Variants in CIT observed in about 807,000 individuals in gnomAD.
The protein encoded by CIT is citron Rho-interacting kinase.
CIT carries 79 observed loss-of-function variants against 272.7 expected under a neutral mutation model. The observed-to-expected ratio is 0.29, with a 90% confidence interval of 0.24 to 0.35. CIT has a LOEUF of 0.35. Ranked by LOEUF, CIT falls within the 10% of genes least tolerant of loss-of-function variation. The pLI is 1.00. For missense variants in CIT, 1,909 were observed against 2,618.3 expected, an observed-to-expected ratio of 0.73 and a Z score of 5.91; for synonymous variants, 948 against 995.6, an observed-to-expected ratio of 0.95 and a Z score of 0.90.
At position 119,727,781 on chromosome 12, in the gene CIT, T is replaced by C. The variant is rs143349305; in HGVS notation, c.3591+721A>G. ...CCATCTCTACAAAACAATACAAAAATTAGTCGAGCATGGAGGCATATACCT... is the reference window on the plus strand; with the variant it reads ...CCATCTCTACAAAACAATACAAAAACTAGTCGAGCATGGAGGCATATACCT... On this transcript the variant is annotated intron_variant, in intron 28 of 47. Coordinates refer to ENST00000392521, the MANE Select transcript of CIT (RefSeq NM_001206999.2). 1.8e-4 allele frequency among the ~76,000 whole-genome samples: 28 copies of C among 152,034 alleles called. 1 individual carries two copies. The East Asian group carries it at 4.8e-3, about 26-fold the overall frequency.
Position 119,769,840 on chromosome 12 carries a change from T to C in CIT, c.2208+945A>G, listed in dbSNP as rs368149850. 2.8e-4 allele frequency among the ~76,000 whole-genome samples: 43 copies of C among 152,354 alleles called. 2 individuals are homozygous for C. In the South Asian group the frequency reaches 6.8e-3, roughly 24 times the overall value. On this transcript the variant is annotated intron_variant, in intron 18 of 47. Transcript: ENST00000392521. ...AATGTAAAGTTGTAAACAGTTTGAT[T>C]TGGTATTAAGTATAGACCTATAAGT...
At position 119,799,379 on chromosome 12, in the gene CIT, C is replaced by T. The variant is rs1462067704; in HGVS notation, c.1295+3827G>A. Among the ~76,000 whole-genome samples, 8 of 152,190 alleles carry T rather than the reference C, an allele frequency of 5.3e-5. No homozygotes were observed. In the East Asian group the frequency reaches 5.8e-4, roughly 11 times the overall value. ...GAAAAGTATCGCTGTCCTTCCACTTCGCAGTTGAAGAAACTGACATGCAGA... is the reference window on the plus strand; with the variant it reads ...GAAAAGTATCGCTGTCCTTCCACTTTGCAGTTGAAGAAACTGACATGCAGA... On this transcript the variant is annotated intron_variant, in intron 10 of 47. Coordinates refer to ENST00000392521, the MANE Select transcript of CIT (RefSeq NM_001206999.2).
intron 24 of CIT, among the ~76,000 whole-genome samples, chr12:119,736,658 A>G (rs1958777646): frequency 1.3e-5 from 2 of 152,248 alleles, no homozygotes. Flanking sequence ...TTATCAAGGA[A>G]GACAAATAAG....
At position 119,734,253 on chromosome 12, in the gene CIT, G is replaced by A. The variant is rs1266321623; in HGVS notation, c.3261C>T (p.Ala1087=). ...ELLEKERQWE[A]WRSVLGDEKS... ...TCTCATCACCCAGGACGCTCCTCCA[G>A]GCCTCCCACTGCCGCTCTTTTTCTA... The change falls in exon 26 of 48, where the codon GCC becomes GCT. Residue 1087 remains alanine, a synonymous_variant. Coordinates refer to ENST00000392521, the MANE Select transcript of CIT (RefSeq NM_001206999.2). 1 of 1,613,896 alleles carries A rather than the reference G, an allele frequency of 6.2e-7. No individual in the cohort carries two copies. The highest frequency in any genetic ancestry group is 1.6e-4 in the Middle Eastern group (1 of 6,062).
At chr12:119,859,605 T>C (rs545597042) in intron 3 of CIT, among the ~76,000 whole-genome samples, 295 of 151,680 alleles carry the variant, frequency 1.9e-3, no homozygotes, top group African/African-American at 6.7e-3. Flanking sequence ...TCACCTGAGG[T>C]CAGGAGTTCA....
At position 119,718,213 on chromosome 12, in the gene CIT, C is replaced by G. The variant is rs1957634791; in HGVS notation, c.4168+32G>C. The G allele has an allele frequency of 1.3e-6, 2 of 1,583,752 alleles. No homozygotes were observed. The highest frequency in any genetic ancestry group is 1.1e-5 in the South Asian group (1 of 87,868). The stretch of plus-strand genomic sequence containing the variant: ...CCATATGCCCACATGTCTTAGTCGA[C>G]TAAAAGAAATTTCCATACAACTCCA... On this transcript the variant is annotated intron_variant, in intron 32 of 47. Coordinates refer to ENST00000392521, the MANE Select transcript of CIT (RefSeq NM_001206999.2). This position sits in a 1 kb window ranked among gnomAD's most constrained non-coding sequence, Gnocchi z 4.8.
chr12:119,791,363 AC>A (rs1965292679), intron 10 of CIT, among the ~76,000 whole-genome samples: 1 of 152,148 alleles, frequency 6.6e-6, no homozygotes, highest in Admixed American at 6.5e-5. Context: ...AGCTCTGGAT[AC>A]CCAAGAACAT....
chr12:119,785,768 T>C (rs188771520), intron 10 of CIT, among the ~76,000 whole-genome samples: 10 of 152,184 alleles, frequency 6.6e-5, no homozygotes, highest in East Asian at 3.9e-4. Context: ...TTAGTAGAGA[T>C]GGGGTTTCAC....
At chr12:119,819,238 G>A (rs1241887470) in intron 9 of CIT, among the ~76,000 whole-genome samples, 2 of 152,212 alleles carry the variant, frequency 1.3e-5, no homozygotes, top group Admixed American at 1.3e-4. Context: ...GGTGACCCAT[G>A]AGCATGGCAG....
intron 19 of CIT, 140 bp from the exon 20 acceptor site, chr12:119,761,195 G>A (rs764574256): frequency 1.3e-5 from 9 of 715,842 alleles, no homozygotes; most frequent in African/African-American, 7.2e-5. Flanking sequence ...GGGGCAAAGA[G>A]AAGGCAAAAA....
At chr12:119,824,148 A>G (rs1967974640) in intron 8 of CIT, among the ~76,000 whole-genome samples, 1 of 147,182 alleles carries the variant, frequency 6.8e-6, no homozygotes, top group African/African-American at 2.5e-5. Flanking sequence ...ATATACAGTA[A>G]AACACATATC....
intron 10 of CIT, among the ~76,000 whole-genome samples, chr12:119,796,162 T>C (rs747689106): frequency 7.2e-5 from 11 of 152,208 alleles, no homozygotes; most frequent in Non-Finnish European, 1.5e-4. Context: ...CAAGACTGAA[T>C]ACCAAGTTCA....
Position 119,772,837 on chromosome 12 carries a change from T to G in CIT, c.2015A>C (p.Glu672Ala), listed in dbSNP as rs1963320506. The G allele has an allele frequency of 6.2e-7, 1 of 1,614,026 alleles. No homozygotes were observed. The highest frequency in any genetic ancestry group is 1.3e-5 in the African/African-American group (1 of 75,024). Residue 672 changes from glutamate (E) to alanine (A), a missense_variant, in exon 17 of 48, where the codon GAG (glutamate) becomes GCG (alanine). Glu to Ala is a moderately radical substitution (Grantham distance 107, BLOSUM62 -1). This residue lies in a region of CIT where 530 missense variants were observed against 822.4 expected (regional missense o/e 0.64). Transcript: ENST00000392521. Reference sequence around the variant, plus strand: ...CTCTCGGTTCTGCAGCTTCTCCAGCTCCCTCTCGGCTCGCTCCTTTGCCTG... The same window carrying G: ...CTCTCGGTTCTGCAGCTTCTCCAGCGCCCTCTCGGCTCGCTCCTTTGCCTG... ...IRQAKERAERELEKLQNREDS... is the reference protein window; with the variant it reads ...IRQAKERAERALEKLQNREDS...
chr12:119,784,164 A>G lies in CIT; in HGVS notation c.1402-113T>C. On this transcript the variant is annotated intron_variant, in intron 11 of 47. Transcript: ENST00000392521. The surrounding 1 kb of genome is among the most constrained non-coding windows in gnomAD (Gnocchi z 4.7). ...TGGTCTGGGCTAAGGCTAATTCGCC[A>G]AAAGTTAAGTTGGGATGGAAATACC... 6.2e-7 allele frequency: 1 copy of G among 1,610,928 alleles called. No homozygotes were observed. The highest frequency in any genetic ancestry group is 8.5e-7 in the Non-Finnish European group (1 of 1,178,310).
chr12:119,745,388 A>AAAAAAAAAAC, intron 23 of CIT, among the ~76,000 whole-genome samples: 1 of 142,168 alleles, frequency 7.0e-6, no homozygotes, highest in Non-Finnish European at 1.6e-5. Context: ...AAAAAAAAAA[A>AAAAAAAAAAC]AAAAAAAAAA....
At chr12:119,698,405 C>T (rs1268405148) in intron 44 of CIT, among the ~76,000 whole-genome samples, 4 of 152,102 alleles carry the variant, frequency 2.6e-5, no homozygotes, top group Admixed American at 2.0e-4. Context: ...GCCTGGCCTA[C>T]ATGGTGAAAC....
chr12:119,792,955 C>T lies in CIT; in HGVS notation c.1296-7890G>A, dbSNP rs886777910. 4.6e-5 allele frequency among the ~76,000 whole-genome samples: 7 copies of T among 151,902 alleles called. No individual in the cohort carries two copies. In the East Asian group the frequency reaches 5.9e-4, roughly 13 times the overall value. ...CCAGCCTGGCGACAGAGTGAGACTC[C>T]GTCTCAAAAATAAAATAAAAATAAA... On this transcript the variant is annotated intron_variant, in intron 10 of 47. Coordinates refer to ENST00000392521, the MANE Select transcript of CIT (RefSeq NM_001206999.2).
At chr12:119,814,064 T>C (rs1321787369) in intron 9 of CIT, among the ~76,000 whole-genome samples, 1 of 152,222 alleles carries the variant, frequency 6.6e-6, no homozygotes, top group Non-Finnish European at 1.5e-5. Flanking sequence ...CCTAACTTTA[T>C]TTCCCTATCC....
intron 9 of CIT, among the ~76,000 whole-genome samples, chr12:119,813,916 T>C (rs1316800217): frequency 6.6e-6 from 1 of 152,150 alleles, no homozygotes; most frequent in African/African-American, 2.4e-5. Flanking sequence ...CAGAGCATTC[T>C]GGACTTTTTT....
Sources: gnomAD v4.1 joint callset for allele counts (sites outside exome capture counted in the v4.1 genomes callset) on GRCh38, gnomAD v4.1.1 for gene constraint, gnomAD v4.1.1 regional missense constraint, Gnocchi (gnomAD v3.1) non-coding constraint, MANE v1.5 for transcripts, NCBI Gene and HGNC (gene_info 2026-07-23, HGNC 2026-07-21) for gene names.